The following LARGE1 variants were observed in gnomAD, a reference collection of about 807,000 sequenced individuals.
LARGE1 encodes LARGE xylosyl- and glucuronyltransferase 1, also known as xylosyl- and glucuronyltransferase LARGE1.
A neutral mutation model predicts 87.6 loss-of-function variants in LARGE1; 43 were observed. The observed-to-expected ratio is 0.49, with a 90% CI of 0.38 to 0.63. The LOEUF (loss-of-function observed/expected upper bound fraction) is 0.63. Ranked by LOEUF, LARGE1 falls within the 30% of genes least tolerant of loss-of-function variation. The pLI, the probability that LARGE1 is intolerant of heterozygous loss-of-function variation, is 0.00. For synonymous variants in LARGE1, 434 were observed against 394.6 expected (o/e 1.10, Z -1.18); for missense variants, 802 against 1,000.2 (o/e 0.80, Z 2.67).
intron 11 of LARGE1, among the ~76,000 whole-genome samples, chr22:33,244,907 GC>G (rs1455583809): frequency 3.3e-5 from 5 of 152,002 alleles, no homozygotes. Context: ...CCCTCAAAAT[GC>G]CCCACCAAGT....
the LARGE1 span, among the ~76,000 whole-genome samples, chr22:33,080,544 C>T: frequency 1.3e-5 from 2 of 152,250 alleles, no homozygotes; most frequent in Admixed American, 6.5e-5. Flanking sequence ...GACACTTCAG[C>T]TCACATTTGA....
chr22:33,718,247 C>A (rs1291146836), intron 2 of LARGE1, among the ~76,000 whole-genome samples: 1 of 152,202 alleles, frequency 6.6e-6, no homozygotes, highest in African/African-American at 2.4e-5. Flanking sequence ...GCCCATCCTC[C>A]TGCTCTGAGA....
the LARGE1 span, among the ~76,000 whole-genome samples, chr22:33,134,449 G>A: frequency 5.9e-5 from 9 of 152,072 alleles, no homozygotes; most frequent in Non-Finnish European, 1.2e-4. Context: ...AGTAGAGACG[G>A]GATTTCACCG....
chr22:33,592,036 G>C (rs1215580912), intron 5 of LARGE1, among the ~76,000 whole-genome samples: 1 of 120,984 alleles, frequency 8.3e-6, no homozygotes, highest in Admixed American at 1.0e-4. Context: ...AGAAAGAAAA[G>C]AAAGGAAAAA....
At chr22:33,315,053 C>T (rs184559270) in intron 11 of LARGE1, among the ~76,000 whole-genome samples, 1 of 152,204 alleles carries the variant, frequency 6.6e-6, no homozygotes, top group African/African-American at 2.4e-5. Context: ...ACTAAAAATA[C>T]AAAAAATTAG....
chr22:33,149,263 C>T, the LARGE1 span, among the ~76,000 whole-genome samples: 5 of 151,894 alleles, frequency 3.3e-5, no homozygotes, highest in Non-Finnish European at 4.4e-5. Context: ...AGGATGGTCT[C>T]GATCTCCTGA....
intron 1 of LARGE1, among the ~76,000 whole-genome samples, chr22:33,829,103 C>T (rs577220723): frequency 8.7e-5 from 13 of 149,774 alleles, no homozygotes; most frequent in African/African-American, 2.2e-4. Flanking sequence ...ACTCCTCCCA[C>T]GTTCAACCGA....
At chr22:33,416,906 CTTTTT>C (rs35018256) in intron 7 of LARGE1, among the ~76,000 whole-genome samples, 1 of 90,174 alleles carries the variant, frequency 1.1e-5, no homozygotes, top group African/African-American at 5.7e-5. Context: ...CACGCCCGGA[CTTTTT>C]TTTTTTTTTT....
At chr22:33,911,299 G>T (rs1359011085) in intron 1 of LARGE1, among the ~76,000 whole-genome samples, 1 of 152,126 alleles carries the variant, frequency 6.6e-6, no homozygotes, top group Non-Finnish European at 1.5e-5. Flanking sequence ...GTCTAGTGGG[G>T]CTCCAAGGTC....
At chr22:33,554,850 G>A (rs942188978) in intron 6 of LARGE1, among the ~76,000 whole-genome samples, 7 of 152,012 alleles carry the variant, frequency 4.6e-5, no homozygotes, top group East Asian at 1.9e-4. Context: ...AGAAACATCC[G>A]CTTTACTTGT....
intron 10 of LARGE1, among the ~76,000 whole-genome samples, chr22:33,327,375 A>G (rs1356779756): frequency 6.6e-6 from 1 of 152,170 alleles, no homozygotes; most frequent in Non-Finnish European, 1.5e-5. Context: ...CAGTTGAGAG[A>G]GCGGGTATCC....
chr22:33,237,113 C>T (rs996510183), intron 11 of LARGE1, among the ~76,000 whole-genome samples: 30 of 152,178 alleles, frequency 2.0e-4, no homozygotes, highest in African/African-American at 7.2e-4. Flanking sequence ...GCAGCTTGGT[C>T]TGAATTTCTT....
At chr22:33,182,111 C>T (rs116073615) in intron 11 of LARGE1, among the ~76,000 whole-genome samples, 12 of 152,198 alleles carry the variant, frequency 7.9e-5, no homozygotes, top group East Asian at 5.8e-4. Context: ...CGTGAGCCAC[C>T]GCACCCAACA....
At chr22:33,856,323 C>T (rs1322980607) in intron 1 of LARGE1, among the ~76,000 whole-genome samples, 1 of 152,074 alleles carries the variant, frequency 6.6e-6, no homozygotes, top group Non-Finnish European at 1.5e-5. Context: ...ACAGAACAAG[C>T]TGGGTGGGTG....
chr22:33,359,721 G>T (rs2064313601), intron 9 of LARGE1, among the ~76,000 whole-genome samples: 1 of 148,734 alleles, frequency 6.7e-6, no homozygotes, highest in Non-Finnish European at 1.5e-5. Flanking sequence ...CCACCACCAC[G>T]CCCGGCTAAT....
downstream of LARGE1, among the ~76,000 whole-genome samples, chr22:33,161,689 G>A (rs1288215749): frequency 6.6e-6 from 1 of 152,210 alleles, no homozygotes; most frequent in Middle Eastern, 3.2e-3. Flanking sequence ...TTGTGGTCAT[G>A]CTGATGCAAG....
At chr22:33,486,006 A>G (rs1255331739) in intron 6 of LARGE1, among the ~76,000 whole-genome samples, 4 of 152,212 alleles carry the variant, frequency 2.6e-5, no homozygotes, top group East Asian at 1.9e-4. Context: ...CTCTTTCACA[A>G]CAGTAAATAA....
chr22:33,525,004 A>G (rs754968306), intron 6 of LARGE1, among the ~76,000 whole-genome samples: 158 of 152,340 alleles, frequency 1.0e-3, no homozygotes, highest in Non-Finnish European at 6.5e-4. Flanking sequence ...CTATTTCTTT[A>G]GCACACAGGT....
intron 1 of LARGE1, among the ~76,000 whole-genome samples, chr22:33,816,687 G>C (rs532869867): frequency 7.7e-6 from 1 of 130,518 alleles, no homozygotes; most frequent in East Asian, 2.2e-4. Context: ...TAGATAGATA[G>C]ATAGACAGAC....
Sources: allele counts gnomAD v4.1 joint callset (sites outside exome capture counted in the v4.1 genomes callset), GRCh38; gene constraint gnomAD v4.1.1; transcripts MANE v1.5; gene names NCBI Gene and HGNC (gene_info 2026-07-23, HGNC 2026-07-21).